Variants in TFEC observed in about 807,000 individuals in gnomAD.
TFEC encodes the protein transcription factor EC.
In TFEC, 31 loss-of-function variants were observed where a neutral mutation model predicts 41.6. The ratio of observed to expected loss-of-function variants is 0.74; its 90% CI spans 0.56 to 1.01. The LOEUF (loss-of-function observed/expected upper bound fraction) is 1.01, where lower values mean the gene tolerates loss of function less well. TFEC is among the 50% of genes least tolerant of loss of function. TFEC has a pLI of 0.00. For missense variants in TFEC, 402 were observed against 404.1 expected (o/e 0.99, Z 0.04); for synonymous variants, 143 against 140.6 (o/e 1.02, Z -0.12).
At chr7:116,064,368 CAATAA>C (rs1451364453) in intron 3 of TFEC, among the ~76,000 whole-genome samples, 3 of 149,044 alleles carry the variant, frequency 2.0e-5, no homozygotes, top group Non-Finnish European at 4.5e-5. Flanking sequence ...TTTTATTTGT[CAATAA>C]AATAAAATAA....
At chr7:116,097,078 C>T (rs1354692120) in intron 3 of TFEC, among the ~76,000 whole-genome samples, 2 of 147,852 alleles carry the variant, frequency 1.4e-5, no homozygotes, top group Admixed American at 6.8e-5. Flanking sequence ...GACAGAGCGA[C>T]ACTCTGTTTC....
intron 1 of TFEC, among the ~76,000 whole-genome samples, chr7:116,127,763 G>A (rs887725086): frequency 6.7e-6 from 1 of 150,218 alleles, no homozygotes; most frequent in Non-Finnish European, 1.5e-5. Context: ...ACATAAATTT[G>A]AGCCTGTTTC....
chr7:115,950,791 GTT>G lies in TFEC; in HGVS notation c.515+81_515+82del, dbSNP rs1791893154. ...AAGCTGCTTAGTTTCCTAGTCATTGGTTCTCTCCTCCCTTCTTCCCTCCCATT... is the reference window on the plus strand; with the variant it reads ...AAGCTGCTTAGTTTCCTAGTCATTGGCTCTCCTCCCTTCTTCCCTCCCATT... On this transcript the variant is annotated intron_variant, in intron 6 of 7. Transcript: ENST00000265440. The G allele has an allele frequency of 4.7e-6, 5 of 1,062,242 alleles. No homozygotes were observed. The Admixed American group carries it at 1.2e-4, about 26-fold the overall frequency. The allele number at this position is 1,062,242 out of a possible 1,614,324, so 65.8% of individuals were successfully genotyped here.
chr7:116,158,836 CTTA>C (rs1798920447), intron 1 of TFEC, among the ~76,000 whole-genome samples: 2 of 152,022 alleles, frequency 1.3e-5, no homozygotes, highest in South Asian at 2.1e-4. Flanking sequence ...AAGACATTTT[CTTA>C]TTATATTTGC....
chr7:116,021,542 T>A (rs1795395733), intron 1 of TFEC, among the ~76,000 whole-genome samples: 1 of 152,206 alleles, frequency 6.6e-6, no homozygotes, highest in Admixed American at 6.5e-5. Flanking sequence ...CTGCAATGTG[T>A]CACTTTCAGA....
intron 3 of TFEC, among the ~76,000 whole-genome samples, chr7:116,052,326 C>G (rs1796329982): frequency 6.6e-6 from 1 of 152,080 alleles, no homozygotes; most frequent in African/African-American, 2.4e-5. Flanking sequence ...TAAATATAAG[C>G]CATTTCTTAT....
chr7:115,957,839 A>G (rs1338777848), intron 3 of TFEC, among the ~76,000 whole-genome samples: 1 of 151,898 alleles, frequency 6.6e-6, no homozygotes, highest in Non-Finnish European at 1.5e-5. Context: ...AATTTGAGAG[A>G]ACTGATAAAA....
At chr7:116,134,099 G>T (rs1798388901) in intron 1 of TFEC, among the ~76,000 whole-genome samples, 2 of 152,128 alleles carry the variant, frequency 1.3e-5, no homozygotes, top group South Asian at 4.1e-4. Context: ...ACATGCTAAG[G>T]ATGTCAACTT....
chr7:115,966,604 G>C (rs1457177707), intron 3 of TFEC, among the ~76,000 whole-genome samples: 1 of 151,672 alleles, frequency 6.6e-6, no homozygotes, highest in Non-Finnish European at 1.5e-5. Flanking sequence ...GCTTTATAAA[G>C]AAGTAGAGAG....
chr7:115,944,926 T>C (rs894881011), intron 6 of TFEC, among the ~76,000 whole-genome samples: 3 of 151,232 alleles, frequency 2.0e-5, no homozygotes, highest in African/African-American at 7.3e-5. Context: ...TTCTTCCTTT[T>C]TTGTTTAAAA....
intron 4 of TFEC, 69 bp from the exon 5 acceptor site, chr7:115,954,711 C>T: frequency 8.6e-7 from 1 of 1,168,356 alleles, no homozygotes; most frequent in East Asian, 2.4e-5. Context: ...CAACATAATT[C>T]AGAACTCCTA....
At chr7:116,140,734 A>G (rs1015105835) in intron 1 of TFEC, among the ~76,000 whole-genome samples, 7 of 152,160 alleles carry the variant, frequency 4.6e-5, no homozygotes, top group Non-Finnish European at 1.0e-4. Context: ...TTGCCTTCCC[A>G]TTTAGAACCC....
At chr7:115,955,838 G>C (rs964777698) in intron 4 of TFEC, among the ~76,000 whole-genome samples, 6 of 151,922 alleles carry the variant, frequency 3.9e-5, no homozygotes, top group African/African-American at 1.4e-4. Flanking sequence ...ATTTTAGTCT[G>C]AATAATTTGG....
In TFEC at chr7:115,939,284, T is replaced by TG. The variant is rs1365675154; in HGVS notation, c.*1266dup. On this transcript the variant is annotated 3_prime_UTR_variant, in exon 8 of 8. Coordinates refer to ENST00000265440, the MANE Select transcript of TFEC (RefSeq NM_012252.4). The stretch of plus-strand genomic sequence containing the variant: ...TACTCATTGATCGGATGATCACTCT[T>TG]GGAGGTCCAGCACAGAGCAACGTGC... The TG allele has an allele frequency of 6.6e-6, 1 of 152,048 alleles. No homozygotes were observed. 9.4% of individuals were successfully genotyped at this position (152,048 alleles called of 1,614,324 possible).
chr7:115,984,006 A>G (rs1326080727), intron 2 of TFEC, among the ~76,000 whole-genome samples: 4 of 152,160 alleles, frequency 2.6e-5, no homozygotes, highest in Non-Finnish European at 1.5e-5. Context: ...TTCTAAACAC[A>G]TACCACTATT....
intron 3 of TFEC, among the ~76,000 whole-genome samples, chr7:116,079,615 C>G (rs1797041806): frequency 1.3e-5 from 2 of 151,910 alleles, no homozygotes; most frequent in Admixed American, 6.6e-5. Flanking sequence ...TAGAAATATA[C>G]CTAACCAAGA....
chr7:116,074,900 T>C (rs985726762), intron 3 of TFEC, among the ~76,000 whole-genome samples: 1 of 152,154 alleles, frequency 6.6e-6, no homozygotes, highest in Non-Finnish European at 1.5e-5. Context: ...ATGAATAAAA[T>C]GCAGTGTGTC....
At chr7:116,086,235 G>A (rs1274554508) in intron 3 of TFEC, among the ~76,000 whole-genome samples, 3 of 151,750 alleles carry the variant, frequency 2.0e-5, no homozygotes, top group African/African-American at 7.2e-5. Context: ...TAGCCTCCCA[G>A]AATTCACTCC....
intron 1 of TFEC, chr7:116,121,354 G>A (rs1472832028): frequency 6.6e-6 from 1 of 151,912 alleles, no homozygotes; most frequent in East Asian, 1.9e-4. Flanking sequence ...GTCCAGAATA[G>A]GCAAATTCAT....
Sources: allele counts gnomAD v4.1 joint callset (sites outside exome capture counted in the v4.1 genomes callset), GRCh38; gene constraint gnomAD v4.1.1; transcripts MANE v1.5; gene names NCBI Gene and HGNC (gene_info 2026-07-23, HGNC 2026-07-21).